The following COL5A2 variants were observed in gnomAD, a reference collection of about 807,000 sequenced individuals.
The protein encoded by COL5A2 is collagen type V alpha 2 chain.
In COL5A2, 23 loss-of-function variants were observed where a neutral mutation model predicts 208.2. The observed-to-expected ratio is 0.11, with a 90% CI of 0.08 to 0.16. COL5A2 has a LOEUF of 0.16. Ranked by LOEUF, COL5A2 falls within the 10% of genes least tolerant of loss-of-function variation. The pLI is 1.00. For missense variants in COL5A2, 1,590 were observed against 1,956.4 expected, an observed-to-expected ratio of 0.81 and a Z score of 3.53; for synonymous variants, 625 against 628.5, an observed-to-expected ratio of 0.99 and a Z score of 0.08.
the COL5A2 span, among the ~76,000 whole-genome samples, chr2:189,267,482 T>G: frequency 6.6e-6 from 1 of 152,284 alleles, no homozygotes; most frequent in East Asian, 1.9e-4. Context: ...ATGCATTTTT[T>G]AAATAATTGC....
Position 189,041,453 on chromosome 2 carries a change from CT to C in COL5A2, c.3633+132del. 3.9e-6 allele frequency: 3 copies of C among 764,856 alleles called. No individual in the cohort carries two copies. In the South Asian group the frequency reaches 4.2e-5, roughly 11 times the overall value. 47.4% of individuals were successfully genotyped at this position (764,856 alleles called of 1,614,324 possible). A position where few individuals can be genotyped will look rare whatever the true frequency, so the allele number is the denominator to read the frequency against. On this transcript the variant is annotated intron_variant, in intron 50 of 53. Coordinates refer to ENST00000374866, the MANE Select transcript of COL5A2 (RefSeq NM_000393.5). ...AATACTTGAAATAGTTACTTATACT[CT>C]TGTGTGACTTCTACGTTTGTTTTCG...
At chr2:189,152,951 TG>T (rs1175377013) in intron 1 of COL5A2, among the ~76,000 whole-genome samples, 1 of 152,048 alleles carries the variant, frequency 6.6e-6, no homozygotes, top group Admixed American at 6.6e-5. Flanking sequence ...AAAAAAAAGT[TG>T]GGGGAAAAGA....
the COL5A2 span, among the ~76,000 whole-genome samples, chr2:189,434,728 T>C: frequency 6.6e-6 from 1 of 152,096 alleles, no homozygotes; most frequent in Admixed American, 6.5e-5. Context: ...GAAGAATCAA[T>C]ATTGTGAAAA....
At chr2:189,198,328 G>T (rs1417057899) in intron 1 of COL5A2, among the ~76,000 whole-genome samples, 2 of 152,142 alleles carry the variant, frequency 1.3e-5, no homozygotes, top group Non-Finnish European at 2.9e-5. Flanking sequence ...TTTATGTTTT[G>T]CAGTACTGTT....
intron 1 of COL5A2, among the ~76,000 whole-genome samples, chr2:189,153,795 G>T (rs1247418226): frequency 6.6e-6 from 1 of 151,700 alleles, no homozygotes; most frequent in Non-Finnish European, 1.5e-5. Context: ...CATCCCTTTT[G>T]GTTGTTCTGG....
At chr2:189,072,824 G>A (rs1192627896) in intron 17 of COL5A2, among the ~76,000 whole-genome samples, 1 of 147,450 alleles carries the variant, frequency 6.8e-6, no homozygotes, top group Non-Finnish European at 1.5e-5. Flanking sequence ...CAGGCAATAA[G>A]TGGATATTTA....
chr2:189,263,723 G>T, the COL5A2 span, among the ~76,000 whole-genome samples: 31 of 152,124 alleles, frequency 2.0e-4, no homozygotes, highest in South Asian at 6.0e-3. Flanking sequence ...TGTTTAGATA[G>T]ATTTAGATAC....
the COL5A2 span, among the ~76,000 whole-genome samples, chr2:189,357,344 T>TC: frequency 1.3e-5 from 2 of 152,082 alleles, no homozygotes; most frequent in Admixed American, 6.5e-5. Context: ...AGATGCCCCT[T>TC]CCCCCAGGTG....
At chr2:189,329,085 G>A in the COL5A2 span, among the ~76,000 whole-genome samples, 3 of 152,090 alleles carry the variant, frequency 2.0e-5, no homozygotes, top group African/African-American at 4.8e-5. Flanking sequence ...AGTTTCCATC[G>A]ATGGGGAAGT....
chr2:189,107,163 C>T (rs1687167164), intron 2 of COL5A2, among the ~76,000 whole-genome samples: 1 of 151,476 alleles, frequency 6.6e-6, no homozygotes, highest in Non-Finnish European at 1.5e-5. Context: ...CTTTTTAAGA[C>T]CTTTTAGTTG....
intron 8 of COL5A2, among the ~76,000 whole-genome samples, chr2:189,087,944 T>C (rs1018752399): frequency 3.3e-5 from 5 of 152,128 alleles, no homozygotes; most frequent in African/African-American, 1.2e-4. Context: ...ATATTACTAG[T>C]AACTTTAAAA....
chr2:189,303,604 C>G, the COL5A2 span, among the ~76,000 whole-genome samples: 1 of 152,176 alleles, frequency 6.6e-6, no homozygotes, highest in African/African-American at 2.4e-5. Context: ...TGTAGATGAA[C>G]TGTAACCTAG....
At chr2:189,395,166 C>T in the COL5A2 span, among the ~76,000 whole-genome samples, 1 of 152,132 alleles carries the variant, frequency 6.6e-6, no homozygotes, top group Non-Finnish European at 1.5e-5. Context: ...CCAAATGTAC[C>T]TAAGATTTTA....
intron 1 of COL5A2, among the ~76,000 whole-genome samples, chr2:189,162,881 C>A (rs952361058): frequency 2.6e-5 from 4 of 151,954 alleles, no homozygotes; most frequent in Non-Finnish European, 4.4e-5. Flanking sequence ...AAATGGAGTC[C>A]CATTTTCCCA....
the COL5A2 span, among the ~76,000 whole-genome samples, chr2:189,362,263 T>C: frequency 6.6e-6 from 1 of 152,156 alleles, no homozygotes; most frequent in Non-Finnish European, 1.5e-5. Flanking sequence ...TATATAATTT[T>C]TAGACAATCA....
At chr2:189,376,212 A>T in the COL5A2 span, among the ~76,000 whole-genome samples, 1 of 152,168 alleles carries the variant, frequency 6.6e-6, no homozygotes, top group Admixed American at 6.5e-5. Context: ...ACTTTCTAAG[A>T]TCTTGCATTT....
At chr2:189,292,127 C>T in the COL5A2 span, among the ~76,000 whole-genome samples, 1 of 152,114 alleles carries the variant, frequency 6.6e-6, no homozygotes, top group African/African-American at 2.4e-5. Context: ...TGATCTGATT[C>T]TTGGGAACTG....
chr2:189,240,555 C>T, the COL5A2 span, among the ~76,000 whole-genome samples: 4 of 152,164 alleles, frequency 2.6e-5, no homozygotes, highest in East Asian at 7.7e-4. Context: ...TATTGGATAA[C>T]TTAAAATGAG....
At chr2:189,137,706 G>C (rs924362706) in intron 1 of COL5A2, among the ~76,000 whole-genome samples, 22 of 152,250 alleles carry the variant, frequency 1.4e-4, no homozygotes, top group African/African-American at 5.1e-4. Flanking sequence ...TTGGGGGCGG[G>C]GGATGGGTAG....
Sources: gnomAD v4.1 joint callset for allele counts (sites outside exome capture counted in the v4.1 genomes callset) on GRCh38, gnomAD v4.1.1 for gene constraint, MANE v1.5 for transcripts, NCBI Gene and HGNC (gene_info 2026-07-23, HGNC 2026-07-21) for gene names.